Variants in LMLN observed in about 807,000 individuals in gnomAD.
LMLN encodes the protein leishmanolysin-like peptidase.
In LMLN, 70 loss-of-function variants were observed where a neutral mutation model predicts 92.3. The ratio of observed to expected loss-of-function variants is 0.76; its 90% CI spans 0.63 to 0.92. LMLN has a LOEUF of 0.92. Among genes scored for constraint, LMLN ranks in the 40% least tolerant of loss-of-function variants. The probability of loss-of-function intolerance (pLI) is 0.00; values close to 1 mark genes in which losing one functional copy is unlikely to be tolerated. For synonymous variants in LMLN, 308 were observed against 296.2 expected (o/e 1.04, Z -0.41); for missense variants, 691 against 814.6 (o/e 0.85, Z 1.85).
At position 197,976,394 on chromosome 3, in the gene LMLN, C is replaced by T; in HGVS notation, c.432-204C>T. ...CTCTTTCATGTGGATACAGTGTTGGCTTTATGAAGTATTTGGGTGTTTAAA... is the reference window on the plus strand; with the variant it reads ...CTCTTTCATGTGGATACAGTGTTGGTTTTATGAAGTATTTGGGTGTTTAAA... On this transcript the variant is annotated intron_variant, in intron 4 of 15. Transcript: ENST00000330198. 4 of 510,500 alleles carry T rather than the reference C, an allele frequency of 7.8e-6. 1 individual carries two copies. Among genetic ancestry groups the T allele is most frequent in the South Asian group, 6.7e-5 (2 of 30,048 alleles). 31.6% of individuals were successfully genotyped at this position (510,500 alleles called of 1,614,324 possible).
rs755016012 is a variant in LMLN, at chr3:197,980,361, T to C, written c.585T>C (p.His195=). 9 of 1,613,978 alleles carry C rather than the reference T, an allele frequency of 5.6e-6. No homozygotes were observed. The African/African-American group carries it at 1.2e-4, about 22-fold the overall frequency. Residue 195 remains histidine (H), a synonymous_variant, in exon 6 of 16, where the codon CAT becomes CAC. Coordinates refer to ENST00000330198, the Ensembl canonical transcript of LMLN. ...TCTACCGTGGGGGTAAGTGGCCTCA[T>C]GGAGCAGTGGGTGTGCCAGACCAAG...
At chr3:198,029,761 C>T (rs1053501673) in intron 14 of LMLN, among the ~76,000 whole-genome samples, 2 of 151,996 alleles carry the variant, frequency 1.3e-5, no homozygotes, top group Admixed American at 6.5e-5. Context: ...CCAGAGTCTT[C>T]ACTTTCAATT....
intron 10 of LMLN, among the ~76,000 whole-genome samples, chr3:197,997,094 C>T (rs1207529179): frequency 7.9e-6 from 1 of 125,914 alleles, no homozygotes; most frequent in Non-Finnish European, 1.7e-5. Context: ...TTTTCCTTTT[C>T]CTTTCCTTTT....
intron 1 of LMLN, among the ~76,000 whole-genome samples, chr3:197,968,152 A>C (rs1721112135): frequency 6.6e-6 from 1 of 152,238 alleles, no homozygotes; most frequent in Non-Finnish European, 1.5e-5. Flanking sequence ...TTAAGAGATT[A>C]AAGTAAGACA....
intron 15 of LMLN, 38 bp from the exon 17 acceptor site, chr3:198,038,529 T>C (rs2109963256): frequency 7.2e-7 from 1 of 1,397,496 alleles, no homozygotes; most frequent in Non-Finnish European, 1.0e-6. Context: ...TATCCCAAAA[T>C]TGTTTATAGA....
intron 13 of LMLN, 72 bp from the exon 15 acceptor site, chr3:198,024,586 A>C (rs1722875092): frequency 4.6e-6 from 6 of 1,293,918 alleles, no homozygotes; most frequent in Non-Finnish European, 6.3e-6. Context: ...AATCATAAAA[A>C]TGGAATGGTT....
At chr3:197,993,585 A>G (rs1721938173) in intron 9 of LMLN, among the ~76,000 whole-genome samples, 1 of 152,160 alleles carries the variant, frequency 6.6e-6, no homozygotes, top group Non-Finnish European at 1.5e-5. Context: ...GGTGAAAGAA[A>G]TTGACACAAT....
chr3:197,984,900 C>T (rs1047761182), intron 7 of LMLN, among the ~76,000 whole-genome samples: 2 of 152,000 alleles, frequency 1.3e-5, no homozygotes, highest in African/African-American at 2.4e-5. Flanking sequence ...AGGTCTTGAA[C>T]TCCCGGGCTC....
At chr3:197,991,583 T>G (rs1721873279) in intron 9 of LMLN, among the ~76,000 whole-genome samples, 1 of 152,146 alleles carries the variant, frequency 6.6e-6, no homozygotes, top group African/African-American at 2.4e-5. Context: ...TTCTCCTGAT[T>G]GGGTGATGCC....
chr3:197,960,573 G>C, intron 1 of LMLN, 133 bp downstream of exon 1: 1 of 784,166 alleles, frequency 1.3e-6, no homozygotes, highest in Non-Finnish European at 2.0e-6. Flanking sequence ...ACTCTTACAG[G>C]CCTGGGACCC....
At chr3:197,990,038 CTTATTTTATT>C (rs201995486) in intron 8 of LMLN, among the ~76,000 whole-genome samples, 94 of 151,706 alleles carry the variant, frequency 6.2e-4, no homozygotes, top group African/African-American at 1.9e-3. Context: ...CCATGCCTGG[CTTATTTTATT>C]TTATTTTATT....
intron 14 of LMLN, among the ~76,000 whole-genome samples, chr3:198,034,643 TAC>T (rs1248329105): frequency 2.6e-5 from 4 of 152,114 alleles, no homozygotes; most frequent in Non-Finnish European, 5.9e-5. Flanking sequence ...TTTAAAAAAT[TAC>T]TATTTCTAAA....
chr3:197,972,771 T>C (rs1721265557), intron 1 of LMLN, among the ~76,000 whole-genome samples: 1 of 152,204 alleles, frequency 6.6e-6, no homozygotes, highest in Admixed American at 6.5e-5. Context: ...TCTCCTGTTG[T>C]TGGCAACATT....
At chr3:197,992,083 C>T (rs1353347916) in intron 9 of LMLN, among the ~76,000 whole-genome samples, 9 of 134,116 alleles carry the variant, frequency 6.7e-5, no homozygotes, top group African/African-American at 2.6e-4. Flanking sequence ...GGGTGAGACC[C>T]TGTCTCAAAA....
intron 6 of LMLN, among the ~76,000 whole-genome samples, chr3:197,982,696 G>A (rs1322277562): frequency 6.6e-6 from 1 of 152,302 alleles, no homozygotes; most frequent in East Asian, 1.9e-4. Flanking sequence ...AAATATTCCT[G>A]CAAATAAATA....
rs538435809 is a variant in LMLN, at chr3:198,018,828, T to G, written c.1233-425T>G. ...TATCGTCAACTGTCAGTTTGATGAC[T>G]GCTAAGAATTACAGGTTTGTTTGAA... On this transcript the variant is annotated intron_variant, in intron 11 of 15. Transcript: ENST00000330198. Among the ~76,000 whole-genome samples, 112 of 152,362 alleles carry G rather than the reference T, an allele frequency of 7.4e-4. 2 individuals carry two copies. The highest frequency in any genetic ancestry group is 3.4e-3 in the Middle Eastern group (1 of 294).
chr3:198,038,732 T>C, exon 16 of LMLN: 2 of 1,256,096 alleles, frequency 1.6e-6, no homozygotes, highest in Non-Finnish European at 2.3e-6. Context: ...AGCACAAAGT[T>C]TGAGTGAGTG....
At chr3:197,983,498 G>A (rs773374777) in intron 6 of LMLN, among the ~76,000 whole-genome samples, 8 of 152,158 alleles carry the variant, frequency 5.3e-5, no homozygotes, top group Non-Finnish European at 7.4e-5. Flanking sequence ...AAAGGGAATA[G>A]CAAACAGATA....
chr3:197,975,522 C>T (rs560710500), intron 3 of LMLN, among the ~76,000 whole-genome samples: 5 of 152,066 alleles, frequency 3.3e-5, no homozygotes, highest in Admixed American at 6.5e-5. Flanking sequence ...CACACACATG[C>T]GCACATGCAC....
Sources: allele counts gnomAD v4.1 joint callset (sites outside exome capture counted in the v4.1 genomes callset), GRCh38; gene constraint gnomAD v4.1.1; transcripts MANE v1.5; gene names NCBI Gene and HGNC (gene_info 2026-07-23, HGNC 2026-07-21).